ACER1: variants seen among roughly 807,000 people sequenced by gnomAD.
ACER1 encodes alkaline ceramidase 1.
ACER1 carries 28 observed loss-of-function variants against 24.9 expected under a neutral mutation model. That is an observed-to-expected ratio of 1.13 (90% confidence interval 0.83 to 1.54). The LOEUF (loss-of-function observed/expected upper bound fraction) is 1.54. Among genes scored for constraint, ACER1 ranks in the 40% most tolerant of loss-of-function variants. ACER1 has a pLI of 0.00. For missense variants in ACER1, 352 were observed against 349.3 expected (o/e 1.01, Z -0.06); for synonymous variants, 132 against 131.4 (o/e 1.00, Z -0.03).
At chr19:6,327,626 T>C (rs898351520) in intron 1 of ACER1, among the ~76,000 whole-genome samples, 17 of 151,494 alleles carry the variant, frequency 1.1e-4, no homozygotes, top group South Asian at 8.3e-4. Context: ...ATAAAATAAA[T>C]AAACACTCTT....
At chr19:6,329,297 C>T (rs184389335) in intron 1 of ACER1, among the ~76,000 whole-genome samples, 3 of 151,964 alleles carry the variant, frequency 2.0e-5, no homozygotes, top group Non-Finnish European at 4.4e-5. Flanking sequence ...GAAGCCCTTT[C>T]TCACATAACT....
chr19:6,342,302 C>T, the ACER1 span, among the ~76,000 whole-genome samples: 1 of 147,968 alleles, frequency 6.8e-6, no homozygotes, highest in South Asian at 2.1e-4. Flanking sequence ...CACTCTGTTG[C>T]CCAGGCTGGA....
chr19:6,328,596 A>C (rs2091672614), intron 1 of ACER1, among the ~76,000 whole-genome samples: 1 of 151,378 alleles, frequency 6.6e-6, no homozygotes, highest in African/African-American at 2.4e-5. Context: ...CTGTAATCCT[A>C]TCACTTTGGG....
chr19:6,316,514 C>T (rs940210077), intron 1 of ACER1, among the ~76,000 whole-genome samples: 10 of 152,028 alleles, frequency 6.6e-5, no homozygotes, highest in African/African-American at 2.4e-4. Context: ...AGTGAAACAA[C>T]TCAGAAACAG....
At chr19:6,341,456 C>T in the ACER1 span, among the ~76,000 whole-genome samples, 7 of 145,980 alleles carry the variant, frequency 4.8e-5, no homozygotes, top group African/African-American at 1.8e-4. Context: ...GCCTAAAGGT[C>T]GAAGTTGCAG....
At chr19:6,326,517 G>T (rs569679249) in intron 1 of ACER1, among the ~76,000 whole-genome samples, 1 of 151,474 alleles carries the variant, frequency 6.6e-6, no homozygotes, top group South Asian at 2.1e-4. Flanking sequence ...CTCCTGCCTC[G>T]GCCTCCTAAA....
chr19:6,352,204 G>A, the ACER1 span, among the ~76,000 whole-genome samples: 3 of 152,036 alleles, frequency 2.0e-5, no homozygotes, highest in Non-Finnish European at 4.4e-5. Context: ...CCACTCCTCC[G>A]CCGAGTCTAT....
the ACER1 span, among the ~76,000 whole-genome samples, chr19:6,342,869 C>A: frequency 6.6e-6 from 1 of 152,004 alleles, no homozygotes; most frequent in Non-Finnish European, 1.5e-5. Context: ...CCTCCACCTC[C>A]CGAGATCAAG....
At chr19:6,327,331 T>C (rs911959780) in intron 1 of ACER1, among the ~76,000 whole-genome samples, 1 of 151,888 alleles carries the variant, frequency 6.6e-6, no homozygotes, top group Non-Finnish European at 1.5e-5. Flanking sequence ...TTTGGGAGGC[T>C]GAGGCAGGCG....
upstream of ACER1, among the ~76,000 whole-genome samples, chr19:6,336,858 G>C (rs2091716518): frequency 6.7e-6 from 1 of 149,728 alleles, no homozygotes; most frequent in Non-Finnish European, 1.5e-5. Context: ...GATAAATTGT[G>C]GTGCTATGTT....
At chr19:6,358,935 A>C in the ACER1 span, among the ~76,000 whole-genome samples, 1 of 146,848 alleles carries the variant, frequency 6.8e-6, no homozygotes. Context: ...CTCTGTCTCA[A>C]AAAAAAAAAA....
chr19:6,312,281 G>A lies in ACER1; in HGVS notation c.218C>T (p.Ser73Phe). The change falls in exon 3 of 6, where the codon TCC becomes TTC. Residue 73 changes from serine (S) to phenylalanine (F), a missense_variant. Ser to Phe is a radical substitution (Grantham distance 155). Coordinates refer to ENST00000301452, the MANE Select transcript of ACER1 (RefSeq NM_133492.3). ...WVLFMIIGLF[S>F]MYFHMTLSFL... Reference sequence around the variant, plus strand: ...GCTGAGCGTCATGTGGAAATACATGGAGAACAGGCCTGCAGCGGCAAGGGC... The same window carrying A: ...GCTGAGCGTCATGTGGAAATACATGAAGAACAGGCCTGCAGCGGCAAGGGC... The A allele has an allele frequency of 6.2e-7, 1 of 1,614,114 alleles. No individual in the cohort carries two copies.
At chr19:6,308,207 G>C (rs1469579916) in intron 4 of ACER1, among the ~76,000 whole-genome samples, 1 of 152,136 alleles carries the variant, frequency 6.6e-6, no homozygotes, top group Non-Finnish European at 1.5e-5. Flanking sequence ...GGCCGAGGCG[G>C]GCAGATCATC....
intron 1 of ACER1, among the ~76,000 whole-genome samples, chr19:6,320,477 T>TA (rs1366141452): frequency 1.3e-5 from 2 of 152,010 alleles, no homozygotes; most frequent in African/African-American, 4.8e-5. Flanking sequence ...CACACCTGGC[T>TA]AATTTTTGTA....
At chr19:6,337,807 C>T (rs570522876), upstream of ACER1, among the ~76,000 whole-genome samples, 1 of 150,554 alleles carries the variant, frequency 6.6e-6, no homozygotes, top group South Asian at 2.1e-4. Context: ...TCCCGAGTAG[C>T]TGGGACTGCA....
chr19:6,352,777 G>A, the ACER1 span, among the ~76,000 whole-genome samples: 2 of 152,148 alleles, frequency 1.3e-5, no homozygotes, highest in East Asian at 1.9e-4. Context: ...GCCATTCATT[G>A]GTGCATCCAG....
In ACER1 at chr19:6,324,865, A is replaced by AAGGC. The variant is rs879930616; in HGVS notation, c.93+8593_93+8594insGCCT. ...GGAAGGAAAGAGAGAGAGAGAAAGG[A>AAGGC]AGGAAGGAAGGAAGGAAGGAAGGAA... On this transcript the variant is annotated intron_variant, in intron 1 of 5. Coordinates refer to ENST00000301452, the MANE Select transcript of ACER1 (RefSeq NM_133492.3). Among the ~76,000 whole-genome samples the AAGGC allele has an allele frequency of 6.3e-5, 5 of 79,648 alleles. No individual in the cohort carries two copies. In the Admixed American group the frequency reaches 6.5e-4, roughly 10 times the overall value. 52.3% of individuals were successfully genotyped at this position (79,648 alleles called of 152,430 possible). A position where few individuals can be genotyped will look rare whatever the true frequency, so the allele number is the denominator to read the frequency against.
intron 3 of ACER1, 70 bp downstream of exon 3, chr19:6,312,079 A>T: frequency 6.4e-7 from 1 of 1,552,164 alleles, no homozygotes; most frequent in South Asian, 1.2e-5. Context: ...CAGGGGACTC[A>T]GGTGAGCTCA....
intron 1 of ACER1, among the ~76,000 whole-genome samples, chr19:6,316,787 A>G (rs989740082): frequency 2.0e-5 from 3 of 147,892 alleles, no homozygotes; most frequent in African/African-American, 7.5e-5. Flanking sequence ...ACCACTGCAC[A>G]CCAGTCTGGG....
Sources: gnomAD v4.1 joint callset for allele counts (sites outside exome capture counted in the v4.1 genomes callset) on GRCh38, gnomAD v4.1.1 for gene constraint, MANE v1.5 for transcripts, NCBI Gene and HGNC (gene_info 2026-07-23, HGNC 2026-07-21) for gene names.